NIPBL: variants seen among roughly 807,000 people sequenced by gnomAD.
The protein encoded by NIPBL is NIPBL cohesin loading factor.
NIPBL carries 19 observed loss-of-function variants against 321.8 expected under a neutral mutation model. The ratio of observed to expected loss-of-function variants is 0.06; its 90% CI spans 0.04 to 0.09. The LOEUF (loss-of-function observed/expected upper bound fraction) is 0.09, where lower values mean the gene tolerates loss of function less well. Among genes scored for constraint, NIPBL ranks in the 10% least tolerant of loss-of-function variants. The pLI is 1.00. For missense variants in NIPBL, 2,210 were observed against 3,327.0 expected (o/e 0.66, Z 8.26); for synonymous variants, 1,106 against 1,114.1 (o/e 0.99, Z 0.14).
intron 42 of NIPBL, among the ~76,000 whole-genome samples, chr5:37,055,317 A>C (rs954653555): frequency 2.7e-5 from 4 of 147,804 alleles, no homozygotes; most frequent in African/African-American, 1.0e-4. Context: ...GCACCACTGC[A>C]CTCCAGCTGA....
At chr5:36,989,746 G>A (rs1009326261) in intron 10 of NIPBL, among the ~76,000 whole-genome samples, 12 of 150,834 alleles carry the variant, frequency 8.0e-5, no homozygotes, top group African/African-American at 2.9e-4. Context: ...GGCTGAAGCA[G>A]GAGAATCGCT....
intron 1 of NIPBL, among the ~76,000 whole-genome samples, chr5:36,883,557 T>A (rs893302941): frequency 6.6e-6 from 1 of 151,288 alleles, no homozygotes; most frequent in African/African-American, 2.4e-5. Context: ...TCTAAAACAC[T>A]AATTATTAAA....
rs1292140302 is a variant in NIPBL at position 37,000,469 on chromosome 5, C to T, written c.3401C>T (p.Ser1134Phe). The change falls in exon 12 of 47, where the codon TCT (serine) becomes TTT (phenylalanine). Residue 1134 changes from serine (S) to phenylalanine (F), a missense_variant. By Grantham distance (155) the Ser-to-Phe change is radical (BLOSUM62 -2). Transcript: ENST00000282516. ...GGGGATCATAGGAGAAGTGGCCACT[C>T]TCATGAAGGAAGAAGGAGTTCAGGT... ...SSGDHRRSGHSHEGRRSSGGG... is the reference protein window; with the variant it reads ...SSGDHRRSGHFHEGRRSSGGG... 1 of 1,613,204 alleles carries T rather than the reference C, an allele frequency of 6.2e-7. No homozygotes were observed. The highest frequency in any genetic ancestry group is 1.3e-5 in the African/African-American group (1 of 74,852).
chr5:36,914,959 T>G (rs1038184417), intron 1 of NIPBL, among the ~76,000 whole-genome samples: 2 of 152,100 alleles, frequency 1.3e-5, no homozygotes, highest in Non-Finnish European at 2.9e-5. Context: ...TAAAATATTT[T>G]TAAAAAGGAG....
chr5:36,968,692 C>T (rs1283247504), intron 6 of NIPBL, among the ~76,000 whole-genome samples: 1 of 151,966 alleles, frequency 6.6e-6, no homozygotes, highest in Non-Finnish European at 1.5e-5. Flanking sequence ...AAGACCCCAT[C>T]TGTATGGAAA....
intron 1 of NIPBL, chr5:36,885,874 A>G (rs1745860800): frequency 6.9e-6 from 5 of 728,392 alleles, no homozygotes; most frequent in South Asian, 4.1e-5. Context: ...TAAAAGGCCT[A>G]CAAGCCCAGC....
At chr5:36,991,214 C>T (rs1366419891) in intron 10 of NIPBL, among the ~76,000 whole-genome samples, 3 of 151,964 alleles carry the variant, frequency 2.0e-5, no homozygotes, top group African/African-American at 7.2e-5. Context: ...GAACTAATAT[C>T]AAAACCCTGA....
In NIPBL at chr5:36,968,425, T is replaced by C. The variant is rs138356001; in HGVS notation, c.611-2451T>C. 8.2e-3 allele frequency among the ~76,000 whole-genome samples: 1,239 copies of C among 151,946 alleles called. 12 individuals carry two copies. The highest frequency in any genetic ancestry group is 0.028 in the African/African-American group (1,178 of 41,470). ...GTACTAAAAATACAAAAAAATTAGC[T>C]AGGCGTAGTGGCAGGCGCCTGTAGT... On this transcript the variant is annotated intron_variant, in intron 6 of 46. Coordinates refer to ENST00000282516, the MANE Select transcript of NIPBL (RefSeq NM_133433.4).
At chr5:36,929,758 G>T (rs1749642001) in intron 1 of NIPBL, among the ~76,000 whole-genome samples, 1 of 151,992 alleles carries the variant, frequency 6.6e-6, no homozygotes. Context: ...TTTGTGTATG[G>T]TATAAGTTAA....
At position 37,026,266 on chromosome 5, in the gene NIPBL, C is replaced by G. The variant is rs1750253032; in HGVS notation, c.5747C>G (p.Thr1916Ser). 1 of 1,611,536 alleles carries G rather than the reference C, an allele frequency of 6.2e-7. No homozygotes were observed. The highest frequency in any genetic ancestry group is 2.2e-5 in the East Asian group (1 of 44,820). Residue 1916 changes from threonine to serine, a missense_variant, in exon 31 of 47, where the codon ACT becomes AGT. Thr to Ser is a moderately conservative substitution (Grantham distance 58). Coordinates refer to ENST00000282516, the MANE Select transcript of NIPBL (RefSeq NM_133433.4). Reference sequence around the variant, plus strand: ...GAAACATTCCAGAAACTCTGGTTTACTCCAACTCCACACAATGACAAAGAA... The same window carrying G: ...GAAACATTCCAGAAACTCTGGTTTAGTCCAACTCCACACAATGACAAAGAA... ...VNETFQKLWF[T>S]PTPHNDKEAM...
chr5:36,899,603 A>C (rs1483971387), intron 1 of NIPBL, among the ~76,000 whole-genome samples: 1 of 152,222 alleles, frequency 6.6e-6, no homozygotes, highest in African/African-American at 2.4e-5. Context: ...AATAGGTTTA[A>C]AATAAATGAC....
At chr5:37,051,317 T>C (rs1417450955) in intron 40 of NIPBL, 1 of 181,564 alleles carries the variant, frequency 5.5e-6, no homozygotes, top group Admixed American at 5.8e-5. Context: ...TGTTATCAAC[T>C]CTCTGTTCCT....
intron 1 of NIPBL, chr5:36,886,524 G>T: frequency 1.4e-6 from 1 of 720,554 alleles, no homozygotes; most frequent in Admixed American, 1.8e-5. Context: ...TACCCTTTGG[G>T]GAGCAGGAGG....
At chr5:37,013,036 G>A (rs1215716344) in intron 21 of NIPBL, among the ~76,000 whole-genome samples, 1 of 146,214 alleles carries the variant, frequency 6.8e-6, no homozygotes, top group East Asian at 2.0e-4. Context: ...CTCCCGGACG[G>A]GGGGCTGACC....
intron 1 of NIPBL, among the ~76,000 whole-genome samples, chr5:36,948,515 G>A (rs1449646280): frequency 6.6e-6 from 1 of 152,030 alleles, no homozygotes; most frequent in East Asian, 1.9e-4. Flanking sequence ...TAGTTATTAT[G>A]AGAAAAGTTA....
At chr5:37,011,443 T>C (rs893404276) in intron 21 of NIPBL, among the ~76,000 whole-genome samples, 15 of 152,134 alleles carry the variant, frequency 9.9e-5, no homozygotes, top group Non-Finnish European at 1.9e-4. Flanking sequence ...TCATCCCAGC[T>C]ACTCAGGAGG....
At chr5:36,907,559 C>G (rs1747734229) in intron 1 of NIPBL, among the ~76,000 whole-genome samples, 1 of 151,984 alleles carries the variant, frequency 6.6e-6, no homozygotes, top group Admixed American at 6.6e-5. Context: ...GTAAAGAAAA[C>G]AAAACATTGT....
At chr5:37,008,535 G>C in intron 19 of NIPBL, 88 bp from the exon 20 acceptor site, 1 of 748,036 alleles carries the variant, frequency 1.3e-6, no homozygotes, top group Non-Finnish European at 2.4e-6. Flanking sequence ...CATTCTAAAT[G>C]GCAGGTAATT....
intron 4 of NIPBL, among the ~76,000 whole-genome samples, chr5:36,960,699 TATAGA>T (rs1189256213): frequency 6.6e-6 from 1 of 152,188 alleles, no homozygotes; most frequent in Non-Finnish European, 1.5e-5. Flanking sequence ...AGAGATTGGC[TATAGA>T]AATCATAAGA....
Sources: allele counts gnomAD v4.1 joint callset (sites outside exome capture counted in the v4.1 genomes callset), GRCh38; gene constraint gnomAD v4.1.1; transcripts MANE v1.5; gene names NCBI Gene and HGNC (gene_info 2026-07-23, HGNC 2026-07-21).